USP34: variants seen among roughly 807,000 people sequenced by gnomAD.
The protein encoded by USP34 is ubiquitin carboxyl-terminal hydrolase 34.
A neutral mutation model predicts 460.3 loss-of-function variants in USP34; 70 were observed. That is an observed-to-expected ratio of 0.15 (90% CI 0.13 to 0.19). USP34 has a LOEUF of 0.19. Among genes scored for constraint, USP34 ranks in the 10% least tolerant of loss-of-function variants. USP34 has a pLI of 1.00. For missense variants in USP34, 3,985 were observed against 4,236.2 expected (o/e 0.94, Z 1.65); for synonymous variants, 1,647 against 1,405.3 (o/e 1.17, Z -3.85).
intron 48 of USP34, among the ~76,000 whole-genome samples, chr2:61,253,477 C>T (rs1688641018): frequency 6.6e-6 from 1 of 152,154 alleles, no homozygotes; most frequent in Non-Finnish European, 1.5e-5. Flanking sequence ...GTGTAATTGC[C>T]TACATAGCTA....
chr2:61,398,883 T>C (rs924780177), intron 3 of USP34, among the ~76,000 whole-genome samples: 5 of 152,240 alleles, frequency 3.3e-5, no homozygotes, highest in African/African-American at 1.2e-4. Context: ...CTCCTGGCTA[T>C]GACAACCGGG....
intron 1 of USP34, among the ~76,000 whole-genome samples, chr2:61,460,717 G>T (rs1695573434): frequency 6.6e-6 from 1 of 152,174 alleles, no homozygotes; most frequent in African/African-American, 2.4e-5. Context: ...GGGTGTGGCA[G>T]CTCATGCCTG....
intron 21 of USP34, among the ~76,000 whole-genome samples, chr2:61,322,285 G>T (rs1690949479): frequency 6.6e-6 from 1 of 152,012 alleles, no homozygotes; most frequent in Non-Finnish European, 1.5e-5. Context: ...GATGAAGAAA[G>T]CAAAAGGAAA....
intron 39 of USP34, 37 bp from the exon 40 acceptor site, chr2:61,278,480 T>C (rs779339997): frequency 7.1e-7 from 1 of 1,407,000 alleles, no homozygotes; most frequent in Non-Finnish European, 9.5e-7. Context: ...CAAATATAAA[T>C]TTTTTATGTT....
intron 49 of USP34, among the ~76,000 whole-genome samples, chr2:61,247,503 A>T (rs1688449318): frequency 6.6e-6 from 1 of 152,174 alleles, no homozygotes; most frequent in Non-Finnish European, 1.5e-5. Flanking sequence ...CACAGCTGTG[A>T]GGAGGTTCTG....
At chr2:61,382,231 C>G (rs903902765) in intron 6 of USP34, among the ~76,000 whole-genome samples, 1 of 152,120 alleles carries the variant, frequency 6.6e-6, no homozygotes, top group Admixed American at 6.6e-5. Context: ...GCTAAAAACC[C>G]TTCAATAGAC....
chr2:61,229,727 T>C, intron 58 of USP34, 94 bp from the exon 59 acceptor site: 1 of 1,073,118 alleles, frequency 9.3e-7, no homozygotes, highest in Non-Finnish European at 1.4e-6. Flanking sequence ...GCCACCCATT[T>C]ATAGTTTGCA....
intron 3 of USP34, among the ~76,000 whole-genome samples, chr2:61,400,601 G>A (rs963235994): frequency 2.0e-5 from 3 of 152,134 alleles, no homozygotes; most frequent in Non-Finnish European, 4.4e-5. Flanking sequence ...TATAATCCCA[G>A]TACTTTGGGA....
At chr2:61,383,675 G>A (rs186594169) in intron 5 of USP34, among the ~76,000 whole-genome samples, 40 of 152,238 alleles carry the variant, frequency 2.6e-4, no homozygotes, top group Admixed American at 1.6e-3. Context: ...AGCCGAGATT[G>A]TGCCACTGCA....
chr2:61,295,325 TACTC>T (rs1171685774), intron 30 of USP34, 35 bp from the exon 31 acceptor site: 4 of 1,553,728 alleles, frequency 2.6e-6, no homozygotes, highest in East Asian at 2.3e-5. Context: ...CAAGCCAACT[TACTC>T]AGGGAACACA....
intron 12 of USP34, among the ~76,000 whole-genome samples, chr2:61,349,656 C>T (rs1160350074): frequency 6.6e-6 from 1 of 152,022 alleles, no homozygotes; most frequent in East Asian, 1.9e-4. Flanking sequence ...CTGGCTAACA[C>T]GGTGAAACCC....
intron 1 of USP34, among the ~76,000 whole-genome samples, chr2:61,423,099 G>C (rs1246046836): frequency 1.3e-5 from 2 of 152,234 alleles, no homozygotes; most frequent in Non-Finnish European, 2.9e-5. Context: ...ACAAAAATCA[G>C]ATATACTTTT....
At position 61,187,562 on chromosome 2, in the gene USP34, G is replaced by A. The variant is rs1481271168; in HGVS notation, c.*540C>T. The stretch of plus-strand genomic sequence containing the variant: ...AAACAATTATTTTTACATCAAGTGT[G>A]CTTTATTTCCTCCACAGGTATTCTG... On this transcript the variant is annotated 3_prime_UTR_variant, in exon 80 of 80. Transcript: ENST00000398571. The A allele has an allele frequency of 4.5e-5, 43 of 963,986 alleles. No homozygotes were observed. Among genetic ancestry groups the A allele is most frequent in the Non-Finnish European group, 5.3e-5 (43 of 810,164 alleles). The allele number at this position is 963,986 out of a possible 1,614,324, so 59.7% of individuals were successfully genotyped here. A position where few individuals can be genotyped will look rare whatever the true frequency, so the allele number is the denominator to read the frequency against.
intron 8 of USP34, among the ~76,000 whole-genome samples, chr2:61,372,865 C>T (rs1168703689): frequency 1.3e-5 from 2 of 152,088 alleles, no homozygotes; most frequent in South Asian, 2.1e-4. Flanking sequence ...TTCAATACCC[C>T]AAACTTCCCA....
intron 30 of USP34, among the ~76,000 whole-genome samples, chr2:61,295,761 T>A (rs576700637): frequency 1.3e-5 from 2 of 152,236 alleles, no homozygotes; most frequent in Non-Finnish European, 2.9e-5. Context: ...CTATTACTAG[T>A]GCTACTGTAA....
intron 75 of USP34, chr2:61,193,389 A>AAAAAAT (rs397984741): frequency 6.7e-6 from 1 of 148,880 alleles, no homozygotes. Flanking sequence ...AAAAAAAAAA[A>AAAAAAT]GTGGAGAATT....
chr2:61,205,373 G>A (rs998387756), intron 72 of USP34, among the ~76,000 whole-genome samples: 13 of 152,254 alleles, frequency 8.5e-5, no homozygotes, highest in Non-Finnish European at 1.5e-4. Flanking sequence ...ATAGGTTACT[G>A]CTTGTGTGCC....
At chr2:61,307,164 A>T (rs541918712) in intron 27 of USP34, among the ~76,000 whole-genome samples, 106 of 152,154 alleles carry the variant, frequency 7.0e-4, no homozygotes, top group Admixed American at 1.5e-3. Context: ...TGTCCTTTGT[A>T]GGGACATGGA....
At position 61,384,693 on chromosome 2, in the gene USP34, A is replaced by C. The variant is rs186805921; in HGVS notation, c.754-1357T>G. Among the ~76,000 whole-genome samples, 17 of 152,304 alleles carry C rather than the reference A, an allele frequency of 1.1e-4. No homozygotes were observed. The East Asian group carries it at 3.3e-3, about 29-fold the overall frequency. On this transcript the variant is annotated intron_variant, in intron 5 of 79. Transcript: ENST00000398571. ...GTCTCAAAACAAAAAAAATTAAAAA[A>C]TAAAATACATGAATTTGGGAATTCA... is the stretch of plus-strand genomic sequence containing the variant.
Sources: gnomAD v4.1 joint callset for allele counts (sites outside exome capture counted in the v4.1 genomes callset) on GRCh38, gnomAD v4.1.1 for gene constraint, MANE v1.5 for transcripts, NCBI Gene and HGNC (gene_info 2026-07-23, HGNC 2026-07-21) for gene names.